EPB41: variants seen among roughly 807,000 people sequenced by gnomAD.
The protein encoded by EPB41 is erythrocyte membrane protein band 4.1.
A neutral mutation model predicts 108.0 loss-of-function variants in EPB41; 65 were observed. The observed-to-expected ratio is 0.60, with a 90% CI of 0.49 to 0.74. The LOEUF is 0.74. Ranked by LOEUF, EPB41 falls within the 30% of genes least tolerant of loss-of-function variation. The probability of loss-of-function intolerance (pLI) is 0.00; values close to 1 mark genes in which losing one functional copy is unlikely to be tolerated. For missense variants in EPB41, 875 were observed against 1,037.0 expected, an observed-to-expected ratio of 0.84 and a Z score of 2.15; for synonymous variants, 336 against 358.9, an observed-to-expected ratio of 0.94 and a Z score of 0.72.
In EPB41 at chr1:28,973,519, A is replaced by G. The variant is rs531948315; in HGVS notation, c.-7-13912A>G. ...ATTCTTCTGCCTCAGCCTCCCAGAT[A>G]GCTATGACTACAGGCATGCACCACC... On this transcript the variant is annotated intron_variant, in intron 1 of 20. Transcript: ENST00000343067. Among the ~76,000 whole-genome samples the G allele has an allele frequency of 5.9e-5, 9 of 152,226 alleles. No individual in the cohort carries two copies. In the East Asian group the frequency reaches 1.7e-3, roughly 29 times the overall value.
At chr1:28,911,407 C>T (rs995227030), upstream of EPB41, among the ~76,000 whole-genome samples, 1 of 152,190 alleles carries the variant, frequency 6.6e-6, no homozygotes, top group Admixed American at 6.5e-5. Context: ...TCATACCTGC[C>T]TTGTGTCTAG....
intron 1 of EPB41, among the ~76,000 whole-genome samples, chr1:28,948,884 G>A (rs2094592619): frequency 6.6e-6 from 1 of 152,168 alleles, no homozygotes; most frequent in Admixed American, 6.5e-5. Flanking sequence ...AGAAGGCTGA[G>A]GTTGCAGTGA....
At chr1:28,992,125 A>G (rs577408759) in intron 2 of EPB41, among the ~76,000 whole-genome samples, 2 of 152,184 alleles carry the variant, frequency 1.3e-5, no homozygotes, top group Non-Finnish European at 2.9e-5. Context: ...GCGGGCATAG[A>G]TAGATAGGAT....
rs1669696451 is a variant in EPB41, at chr1:29,112,960, G to GC, written c.2496+513dup. Among the ~76,000 whole-genome samples, 5 of 152,302 alleles carry GC rather than the reference G, an allele frequency of 3.3e-5. No homozygotes were observed. In the South Asian group the frequency reaches 1.0e-3, roughly 32 times the overall value. On this transcript the variant is annotated intron_variant, in intron 19 of 20. Transcript: ENST00000343067. ...AACAGCCGAGAAGACACGAGCGGGAGCATAGTATGGTGGACAAGACACCAG... is the reference window on the plus strand; with the variant it reads ...AACAGCCGAGAAGACACGAGCGGGAGCCATAGTATGGTGGACAAGACACCAG...
intron 1 of EPB41, among the ~76,000 whole-genome samples, chr1:28,897,168 C>T (rs1314810276): frequency 6.6e-6 from 1 of 152,050 alleles, no homozygotes; most frequent in African/African-American, 2.4e-5. Flanking sequence ...AGGGATGAGA[C>T]CTCTTTGGGG....
chr1:29,102,356 A>T (rs984800901), intron 17 of EPB41, among the ~76,000 whole-genome samples: 1 of 152,086 alleles, frequency 6.6e-6, no homozygotes, highest in Non-Finnish European at 1.5e-5. Flanking sequence ...GGGAGAAGGG[A>T]TGTATATTGC....
At chr1:28,935,841 C>T (rs942373444) in intron 1 of EPB41, among the ~76,000 whole-genome samples, 56 of 151,834 alleles carry the variant, frequency 3.7e-4, no homozygotes, top group Admixed American at 7.9e-4. Flanking sequence ...ATCGCTTGAA[C>T]CAGGGAATCA....
chr1:28,888,464 G>T (rs372286903), intron 1 of EPB41, among the ~76,000 whole-genome samples: 7 of 152,306 alleles, frequency 4.6e-5, no homozygotes, highest in African/African-American at 1.7e-4. Context: ...AGGGACTTCT[G>T]CATGTTGGGG....
At chr1:29,085,375 T>A (rs967982737) in intron 16 of EPB41, among the ~76,000 whole-genome samples, 5 of 151,732 alleles carry the variant, frequency 3.3e-5, no homozygotes, top group African/African-American at 9.7e-5. Context: ...GAACTCCTGA[T>A]CTCAAATGAT....
intron 14 of EPB41, 54 bp downstream of exon 14, chr1:29,058,906 T>A: frequency 7.2e-7 from 1 of 1,383,862 alleles, no homozygotes; most frequent in East Asian, 2.5e-5. Context: ...CCATGCTGAC[T>A]TACAGTGCAT....
chr1:28,967,013 CTTTTTT>C (rs71586876), intron 1 of EPB41, among the ~76,000 whole-genome samples: 1 of 85,370 alleles, frequency 1.2e-5, no homozygotes, highest in Admixed American at 1.6e-4. Flanking sequence ...ATATGAGAAC[CTTTTTT>C]TTTTTTTTTT....
At chr1:28,928,405 A>G (rs1473028361) in intron 1 of EPB41, among the ~76,000 whole-genome samples, 1 of 152,200 alleles carries the variant, frequency 6.6e-6, no homozygotes, top group Non-Finnish European at 1.5e-5. Context: ...AGGTCTATAT[A>G]ACCCTTAGGG....
chr1:29,014,868 A>G (rs934117366), intron 5 of EPB41, among the ~76,000 whole-genome samples: 4 of 152,360 alleles, frequency 2.6e-5, no homozygotes, highest in South Asian at 2.1e-4. Context: ...ATTTTAGGCC[A>G]GGCACGATGG....
chr1:29,015,123 A>G (rs1347587097), intron 5 of EPB41, among the ~76,000 whole-genome samples: 1 of 152,238 alleles, frequency 6.6e-6, no homozygotes, highest in Non-Finnish European at 1.5e-5. Context: ...TCCTTTATAA[A>G]TCAAACGATT....
intron 1 of EPB41, among the ~76,000 whole-genome samples, chr1:28,934,285 T>C: frequency 6.6e-6 from 1 of 152,312 alleles, no homozygotes; most frequent in East Asian, 1.9e-4. Flanking sequence ...ATCCTATCAA[T>C]ATGACTTATC....
intron 16 of EPB41, chr1:29,071,697 C>T (rs977450744): frequency 3.3e-5 from 2 of 60,936 alleles, no homozygotes; most frequent in African/African-American, 8.8e-5. Flanking sequence ...TGGGCACTCT[C>T]TCTCTCTTCA....
chr1:28,903,324 TTC>T lies in EPB41; in HGVS notation c.-8+16116_-8+16117del, dbSNP rs1296614077. Among the ~76,000 whole-genome samples the T allele has an allele frequency of 1.2e-3, 186 of 149,032 alleles. 2 individuals carry two copies. The highest frequency in any genetic ancestry group is 4.7e-3 in the African/African-American group (183 of 39,328). The stretch of plus-strand genomic sequence containing the variant: ...GAGACTCTATTTCTTTTTCTTTTCT[TTC>T]TTTTTTTTTTTTTTTTGAGCTAAGG... On this transcript the variant is annotated intron_variant, in intron 1 of 16. Transcript: ENST00000347529.
chr1:28,995,916 G>A (rs1363841842), intron 3 of EPB41, among the ~76,000 whole-genome samples: 1 of 152,148 alleles, frequency 6.6e-6, no homozygotes, highest in Non-Finnish European at 1.5e-5. Context: ...GACTGACAAT[G>A]AATGAACATT....
intron 1 of EPB41, among the ~76,000 whole-genome samples, chr1:28,889,173 G>A (rs972119074): frequency 3.3e-5 from 5 of 152,176 alleles, no homozygotes; most frequent in Admixed American, 6.5e-5. Flanking sequence ...TCCGGACCTT[G>A]CAGGCATAAG....
Sources: allele counts gnomAD v4.1 joint callset (sites outside exome capture counted in the v4.1 genomes callset), GRCh38; gene constraint gnomAD v4.1.1; transcripts MANE v1.5; gene names NCBI Gene and HGNC (gene_info 2026-07-23, HGNC 2026-07-21).